AFAP1: variants seen among roughly 807,000 people sequenced by gnomAD.
AFAP1 encodes actin filament-associated protein 1.
Under a neutral mutation model 93.9 loss-of-function variants are expected in AFAP1, and 75 were observed. That is an observed-to-expected ratio of 0.80 (90% CI 0.66 to 0.97). AFAP1 has a LOEUF of 0.97. Among genes scored for constraint, AFAP1 ranks in the 50% least tolerant of loss-of-function variants. The probability of loss-of-function intolerance (pLI) is 0.00; values close to 1 mark genes in which losing one functional copy is unlikely to be tolerated. For synonymous variants in AFAP1, 517 were observed against 430.7 expected, an observed-to-expected ratio of 1.20 and a Z score of -2.48; for missense variants, 1,201 against 1,050.8, an observed-to-expected ratio of 1.14 and a Z score of -1.98.
chr4:7,847,799 G>GGGC (rs1442549195), intron 4 of AFAP1, among the ~76,000 whole-genome samples: 1 of 149,086 alleles, frequency 6.7e-6, no homozygotes, highest in Non-Finnish European at 1.5e-5. Flanking sequence ...TACTCGGGGT[G>GGGC]GGGCATTGAT....
chr4:7,867,004 A>G (rs1319962470), intron 3 of AFAP1, among the ~76,000 whole-genome samples: 1 of 147,602 alleles, frequency 6.8e-6, no homozygotes. Flanking sequence ...GTGCCAATGC[A>G]CTCCAGCCTG....
chr4:7,765,707 T>C (rs907765908), intron 17 of AFAP1, among the ~76,000 whole-genome samples: 1 of 152,218 alleles, frequency 6.6e-6, no homozygotes, highest in Non-Finnish European at 1.5e-5. Flanking sequence ...CTTGGTTCCC[T>C]GGCATGGATG....
chr4:7,766,971 A>G (rs4689857), intron 17 of AFAP1, among the ~76,000 whole-genome samples: 25,670 of 151,980 alleles, frequency 0.17, 2,247 homozygotes, highest in African/African-American at 0.21. Flanking sequence ...GGAATACGTC[A>G]GACCCCTTGG....
At chr4:7,817,765 T>A (rs1237616409) in intron 7 of AFAP1, among the ~76,000 whole-genome samples, 7 of 146,116 alleles carry the variant, frequency 4.8e-5, no homozygotes, top group Admixed American at 6.8e-5. Flanking sequence ...AAAGGTTAAG[T>A]AAAAAAAAAA....
At chr4:7,822,880 A>T (rs1224070554) in intron 6 of AFAP1, among the ~76,000 whole-genome samples, 1 of 150,452 alleles carries the variant, frequency 6.6e-6, no homozygotes, top group South Asian at 2.1e-4. Context: ...GGCGTGAGCC[A>T]CTGCGCCCGG....
chr4:7,816,556 G>A (rs1425722015), intron 7 of AFAP1, among the ~76,000 whole-genome samples: 1 of 152,206 alleles, frequency 6.6e-6, no homozygotes, highest in Non-Finnish European at 1.5e-5. Context: ...CACTCAGAAT[G>A]TACACAGAGT....
intron 16 of AFAP1, among the ~76,000 whole-genome samples, chr4:7,771,209 T>G (rs889044114): frequency 6.6e-6 from 1 of 152,222 alleles, no homozygotes; most frequent in Admixed American, 6.5e-5. Flanking sequence ...TGGAACAGTT[T>G]GTAGCACACA....
chr4:7,817,252 A>T (rs1324928553), intron 7 of AFAP1, among the ~76,000 whole-genome samples: 1 of 152,198 alleles, frequency 6.6e-6, no homozygotes, highest in Non-Finnish European at 1.5e-5. Flanking sequence ...ATAGGCAGAG[A>T]ATCAGCAAAA....
In AFAP1 at chr4:7,768,891, C is replaced by T. The variant is rs1326830771; in HGVS notation, c.2371G>A (p.Ala791Thr). 2 of 1,611,008 alleles carry T rather than the reference C, an allele frequency of 1.2e-6. No homozygotes were observed. The highest frequency in any genetic ancestry group is 1.1e-5 in the South Asian group (1 of 90,966). Residue 791 changes from alanine (A) to threonine (T), a missense_variant, in exon 17 of 18, where the codon GCC becomes ACC. Ala to Thr is a moderately conservative substitution (Grantham distance 58). Transcript: ENST00000420658. ...SAAVLKKSQA[A>T]PGSSPCRGHV... is the part of the protein sequence containing the mutation. The stretch of plus-strand genomic sequence containing the variant: ...CCTCGGCAGGGGGAGCTGCCCGGGG[C>T]AGCCTGGCTCTTCTTCAAGACGGCC...
intron 1 of AFAP1, among the ~76,000 whole-genome samples, chr4:7,923,541 C>CTGT (rs1473937867): frequency 2.6e-5 from 4 of 152,150 alleles, no homozygotes; most frequent in Admixed American, 2.0e-4. Flanking sequence ...TACAGTGGCA[C>CTGT]GATCTTGGCT....
chr4:7,926,703 T>C (rs547575563), intron 1 of AFAP1, among the ~76,000 whole-genome samples: 1 of 152,288 alleles, frequency 6.6e-6, no homozygotes, highest in East Asian at 1.9e-4. Context: ...GCCTCTTCCC[T>C]AGAATGAGTC....
chr4:7,877,929 G>A (rs1459677929), intron 1 of AFAP1, among the ~76,000 whole-genome samples: 1 of 152,158 alleles, frequency 6.6e-6, no homozygotes, highest in African/African-American at 2.4e-5. Context: ...CGCAGGTGCA[G>A]CTCCTGGTGC....
chr4:7,890,690 T>C (rs1243201635), intron 1 of AFAP1, among the ~76,000 whole-genome samples: 2 of 152,120 alleles, frequency 1.3e-5, no homozygotes, highest in Non-Finnish European at 2.9e-5. Flanking sequence ...CACATAAAAA[T>C]ATGCTAATAT....
intron 4 of AFAP1, among the ~76,000 whole-genome samples, chr4:7,845,348 G>A (rs964587007): frequency 6.6e-6 from 1 of 152,092 alleles, no homozygotes; most frequent in Non-Finnish European, 1.5e-5. Flanking sequence ...CTTGAGCCCA[G>A]GAGTCCGAGG....
chr4:7,816,248 A>C, intron 7 of AFAP1, 149 bp from the exon 8 acceptor site: 1 of 630,962 alleles, frequency 1.6e-6, no homozygotes, highest in Non-Finnish European at 2.7e-6. Flanking sequence ...TAACTATAAC[A>C]AAGACTGGCT....
intron 11 of AFAP1, among the ~76,000 whole-genome samples, chr4:7,792,029 T>C (rs56919012): frequency 6.6e-6 from 1 of 152,158 alleles, no homozygotes; most frequent in Non-Finnish European, 1.5e-5. Context: ...GGCTGGATTC[T>C]CACACCTGCT....
intron 2 of AFAP1, among the ~76,000 whole-genome samples, chr4:7,869,210 G>C (rs1716798913): frequency 6.7e-6 from 1 of 149,292 alleles, no homozygotes; most frequent in Non-Finnish European, 1.5e-5. Context: ...GGAAGGGAGG[G>C]ATGGATGGAG....
intron 1 of AFAP1, among the ~76,000 whole-genome samples, chr4:7,903,278 C>T (rs1245629918): frequency 6.6e-6 from 1 of 152,102 alleles, no homozygotes; most frequent in Non-Finnish European, 1.5e-5. Flanking sequence ...GACAGACAAG[C>T]AAAAAGTATG....
At chr4:7,780,979 G>A (rs1460357536) in intron 13 of AFAP1, among the ~76,000 whole-genome samples, 1 of 152,152 alleles carries the variant, frequency 6.6e-6, no homozygotes, top group Non-Finnish European at 1.5e-5. Flanking sequence ...CAAAAGCAAT[G>A]ACTACACGGA....
Sources: gnomAD v4.1 joint callset for allele counts (sites outside exome capture counted in the v4.1 genomes callset) on GRCh38, gnomAD v4.1.1 for gene constraint, MANE v1.5 for transcripts, NCBI Gene and HGNC (gene_info 2026-07-23, HGNC 2026-07-21) for gene names.